Variants in RPS19 observed in about 807,000 individuals in gnomAD.
The protein encoded by RPS19 is small ribosomal subunit protein eS19.
RPS19 carries 1 observed loss-of-function variant against 20.3 expected under a neutral mutation model. The ratio of observed to expected loss-of-function variants is 0.05; its 90% CI spans 0.02 to 0.23. RPS19 has a LOEUF of 0.23. Among genes scored for constraint, RPS19 ranks in the 10% least tolerant of loss-of-function variants. The probability of loss-of-function intolerance (pLI) is 1.00; values close to 1 mark genes in which losing one functional copy is unlikely to be tolerated. For synonymous variants in RPS19, 87 were observed against 74.8 expected (o/e 1.16, Z -0.84); for missense variants, 111 against 192.7 (o/e 0.58, Z 2.51).
chr19:41,869,826 CAGGT>C, intron 5 of RPS19, 73 bp downstream of exon 5: 2 of 1,493,768 alleles, frequency 1.3e-6, no homozygotes, highest in Non-Finnish European at 1.9e-6. Context: ...CATACTTTGT[CAGGT>C]AGACTTATTT....
chr19:41,860,837 C>T lies in RPS19; in HGVS notation c.63C>T (p.Phe21=), dbSNP rs548553334. The change falls in exon 2 of 6, where the codon TTC becomes TTT. Residue 21 remains phenylalanine, a synonymous_variant. Transcript: ENST00000598742. ...AGTTCGTCAGAGCTCTGGCAGCCTTCCTCAAAAAGTGAGTTTGGGGACTGA... is the reference window on the plus strand; with the variant it reads ...AGTTCGTCAGAGCTCTGGCAGCCTTTCTCAAAAAGTGAGTTTGGGGACTGA... ...QQEFVRALAA[F]LKKSGKLKVP... 4.3e-6 allele frequency: 7 copies of T among 1,613,512 alleles called. No homozygotes were observed. Among genetic ancestry groups the T allele is most frequent in the Middle Eastern group, 1.7e-4 (1 of 5,830 alleles).
At chr19:41,865,117 A>G (rs2123271750) in intron 3 of RPS19, among the ~76,000 whole-genome samples, 2 of 152,342 alleles carry the variant, frequency 1.3e-5, no homozygotes, top group South Asian at 4.1e-4. Context: ...AGAACCTAAT[A>G]GGCCTTTGGG....
chr19:41,867,362 G>C (rs1555840936), intron 3 of RPS19, among the ~76,000 whole-genome samples: 2 of 152,156 alleles, frequency 1.3e-5, no homozygotes, highest in African/African-American at 2.4e-5. Flanking sequence ...GGAGTGCAGT[G>C]GCATGATCTT....
chr19:41,866,369 C>T (rs1446803242), intron 3 of RPS19, among the ~76,000 whole-genome samples: 2 of 152,250 alleles, frequency 1.3e-5, no homozygotes, highest in African/African-American at 4.8e-5. Flanking sequence ...CAACCAGCTA[C>T]AGGGCCCAGA....
At chr19:41,869,414 G>A (rs1555841432) in intron 4 of RPS19, among the ~76,000 whole-genome samples, 200 bp downstream of exon 4, 1 of 152,218 alleles carries the variant, frequency 6.6e-6, no homozygotes, top group Non-Finnish European at 1.5e-5. Context: ...GCTCCAGGAG[G>A]GTAATTTAGC....
chr19:41,871,086 C>G (rs990699706), intron 5 of RPS19, among the ~76,000 whole-genome samples: 3 of 152,012 alleles, frequency 2.0e-5, no homozygotes, highest in Non-Finnish European at 4.4e-5. Flanking sequence ...TGGTCTCGAA[C>G]TCTTGACCTC....
chr19:41,861,025 A>G (rs1568788894), intron 2 of RPS19, 87 bp from the exon 3 acceptor site: 1 of 1,148,392 alleles, frequency 8.7e-7, no homozygotes, highest in Non-Finnish European at 1.3e-6. Context: ...TGGGCACAGC[A>G]TAGTTGTGTT....
In RPS19 at chr19:41,871,810, A is replaced by G. The variant is rs1205948815; in HGVS notation, c.*433A>G. On this transcript the variant is annotated 3_prime_UTR_variant, in exon 6 of 6. Transcript: ENST00000598742. ...TTGTCAGAAAGTGAGAAACGAAAGG[A>G]TGGCTGTGAGCTGTGACCTCAGCTG... 4.5e-6 allele frequency: 1 copy of G among 223,366 alleles called. No homozygotes were observed. The highest frequency in any genetic ancestry group is 5.3e-5 in the Admixed American group (1 of 18,996). The allele number at this position is 223,366 out of a possible 1,614,324, so 13.8% of individuals were successfully genotyped here. A position where few individuals can be genotyped will look rare whatever the true frequency, so the allele number is the denominator to read the frequency against.
chr19:41,867,288 A>T (rs1365853873), intron 3 of RPS19, among the ~76,000 whole-genome samples: 1 of 151,564 alleles, frequency 6.6e-6, no homozygotes. Context: ...AAAGTATAAT[A>T]TTTGCATATA....
Position 41,860,498 on chromosome 19 carries a change from C to T in RPS19, c.-1+209C>T, listed in dbSNP as rs2074016464. ...GGCCCCGGGGGGCAGCGGCGGGGTGCGTGGGGCGTCCGGAGTCCCGGGGCT... is the reference window on the plus strand; with the variant it reads ...GGCCCCGGGGGGCAGCGGCGGGGTGTGTGGGGCGTCCGGAGTCCCGGGGCT... On this transcript the variant is annotated intron_variant, in intron 1 of 5. Coordinates refer to ENST00000598742, the MANE Select transcript of RPS19 (RefSeq NM_001022.4). The T allele has an allele frequency of 5.7e-5, 28 of 495,504 alleles. 1 individual carries two copies. Among genetic ancestry groups the T allele is most frequent in the South Asian group, 5.6e-4 (27 of 48,348 alleles). The allele number at this position is 495,504 out of a possible 1,614,324, so 30.7% of individuals were successfully genotyped here.
intron 3 of RPS19, chr19:41,864,396 G>C (rs1382314429): frequency 6.6e-6 from 1 of 152,462 alleles, no homozygotes; most frequent in Admixed American, 6.5e-5. Context: ...AAGGTCAGGA[G>C]AGTGGTTTCT....
At chr19:41,860,528 A>G (rs2074016738) in intron 1 of RPS19, 2 of 550,928 alleles carry the variant, frequency 3.6e-6, no homozygotes, top group Non-Finnish European at 6.6e-6. Context: ...GGGGCTGGGG[A>G]GTGGGGTCGC....
At chr19:41,861,738 A>G (rs2074034328) in intron 3 of RPS19, 1 of 176,570 alleles carries the variant, frequency 5.7e-6, no homozygotes, top group African/African-American at 2.4e-5. Flanking sequence ...CAGATCATCA[A>G]GTTAGCCTTC....
intron 5 of RPS19, among the ~76,000 whole-genome samples, chr19:41,870,745 C>G (rs1299369429): frequency 1.3e-5 from 2 of 151,278 alleles, no homozygotes; most frequent in African/African-American, 4.9e-5. Context: ...GAAAGCTCTT[C>G]CAGGCAGAGT....
At chr19:41,860,694 C>T in intron 1 of RPS19, 81 bp from the exon 2 acceptor site, 1 of 1,043,274 alleles carries the variant, frequency 9.6e-7, no homozygotes, top group Non-Finnish European at 1.5e-6. Flanking sequence ...TGCGCTGGAG[C>T]GAAAGGATTG....
At chr19:41,870,766 G>T (rs2075752) in intron 5 of RPS19, among the ~76,000 whole-genome samples, 62,489 of 150,480 alleles carry the variant, frequency 0.42, 15,044 homozygotes, top group Middle Eastern at 0.68. Context: ...GGGGCTTGGC[G>T]CACACATCAT....
intron 3 of RPS19, among the ~76,000 whole-genome samples, chr19:41,868,459 A>G (rs1314274403): frequency 2.0e-5 from 3 of 152,176 alleles, no homozygotes; most frequent in Non-Finnish European, 4.4e-5. Flanking sequence ...GAAGCGTGCA[A>G]GCGTTTCTGG....
At chr19:41,861,024 C>T in intron 2 of RPS19, 88 bp from the exon 3 acceptor site, 1 of 1,149,164 alleles carries the variant, frequency 8.7e-7, no homozygotes, top group Non-Finnish European at 1.3e-6. Context: ...CTGGGCACAG[C>T]ATAGTTGTGT....
chr19:41,860,926 C>A, intron 2 of RPS19, 81 bp downstream of exon 2: 1 of 1,234,282 alleles, frequency 8.1e-7, no homozygotes, highest in Non-Finnish European at 1.1e-6. Flanking sequence ...TTTGCCGGTC[C>A]CTGGCAGGCG....
Sources: gnomAD v4.1 joint callset for allele counts (sites outside exome capture counted in the v4.1 genomes callset) on GRCh38, gnomAD v4.1.1 for gene constraint, MANE v1.5 for transcripts, NCBI Gene and HGNC (gene_info 2026-07-23, HGNC 2026-07-21) for gene names.